The following FAM81A variants were observed in gnomAD, a reference collection of about 807,000 sequenced individuals.
The protein encoded by FAM81A is protein FAM81A.
In FAM81A, 19 loss-of-function variants were observed where a neutral mutation model predicts 46.7. That is an observed-to-expected ratio of 0.41 (90% CI 0.28 to 0.60). The LOEUF (loss-of-function observed/expected upper bound fraction) is 0.60, where lower values mean the gene tolerates loss of function less well. Ranked by LOEUF, FAM81A falls within the 20% of genes least tolerant of loss-of-function variation. FAM81A has a pLI of 0.34. For missense variants in FAM81A, 377 were observed against 453.5 expected, an observed-to-expected ratio of 0.83 and a Z score of 1.53; for synonymous variants, 183 against 152.9, an observed-to-expected ratio of 1.20 and a Z score of -1.45.
Position 59,467,594 on chromosome 15 carries a change from TA to T in FAM81A, c.294+7390del, listed in dbSNP as rs1284901688. ...ACTTTCCTGAAGTTGCTTATCAGCT[TA>T]AGAAGATTTTGGGCTGAGATGATGG... On this transcript the variant is annotated intron_variant, in intron 3 of 8. Coordinates refer to ENST00000288228, the MANE Select transcript of FAM81A (RefSeq NM_152450.3). Among the ~76,000 whole-genome samples the T allele has an allele frequency of 2.0e-5, 3 of 152,226 alleles. No homozygotes were observed. The East Asian group carries it at 5.8e-4, about 29-fold the overall frequency.
chr15:59,445,668 C>T (rs963520057), intron 1 of FAM81A: 6 of 152,098 alleles, frequency 3.9e-5, no homozygotes, highest in African/African-American at 1.4e-4. Flanking sequence ...TTTCAGCCAG[C>T]GATTTATAGA....
At chr15:59,413,431 C>T (rs1450502199) in intron 2 of FAM81A, among the ~76,000 whole-genome samples, 1 of 147,920 alleles carries the variant, frequency 6.8e-6, no homozygotes, top group Non-Finnish European at 1.5e-5. Flanking sequence ...CACACACACA[C>T]ACACACACAC....
rs1159367863 is a variant in FAM81A, at chr15:59,522,520, A to G, written c.*1142A>G. The stretch of plus-strand genomic sequence containing the variant: ...GATATTGCATTTATAGCACTGTAAG[A>G]AACTTTCATCTTGAGCAACTTTGTA... On this transcript the variant is annotated 3_prime_UTR_variant, in exon 9 of 9. Coordinates refer to ENST00000288228, the MANE Select transcript of FAM81A (RefSeq NM_152450.3). 2 of 152,288 alleles carry G rather than the reference A, an allele frequency of 1.3e-5. No homozygotes were observed. Among genetic ancestry groups the G allele is most frequent in the African/African-American group, 4.8e-5 (2 of 41,458 alleles). The allele number at this position is 152,288 out of a possible 1,614,324, so 9.4% of individuals were successfully genotyped here. A position where few individuals can be genotyped will look rare whatever the true frequency, so the allele number is the denominator to read the frequency against.
At chr15:59,491,371 A>C (rs932758669) in intron 3 of FAM81A, among the ~76,000 whole-genome samples, 3 of 152,180 alleles carry the variant, frequency 2.0e-5, no homozygotes, top group African/African-American at 7.2e-5. Flanking sequence ...AAATTAAAAC[A>C]ATTGAACTCA....
chr15:59,412,421 C>T (rs764412408), intron 2 of FAM81A, among the ~76,000 whole-genome samples: 1 of 152,060 alleles, frequency 6.6e-6, no homozygotes, highest in Non-Finnish European at 1.5e-5. Flanking sequence ...AATCAAAAGA[C>T]GGTTCCAAAG....
rs372064389 is a variant in FAM81A, at chr15:59,493,731, G to T, written c.413+1342G>T. Among the ~76,000 whole-genome samples the T allele has an allele frequency of 2.6e-5, 4 of 152,112 alleles. No homozygotes were observed. The East Asian group carries it at 5.8e-4, about 22-fold the overall frequency. Reference sequence around the variant, plus strand: ...GCCTCCCGAGTAGCTGAGACTACAGGCACTCGCCACCACGGCCAGCTAAGT... The same window carrying T: ...GCCTCCCGAGTAGCTGAGACTACAGTCACTCGCCACCACGGCCAGCTAAGT... On this transcript the variant is annotated intron_variant, in intron 4 of 8. Transcript: ENST00000288228.
intron 2 of FAM81A, among the ~76,000 whole-genome samples, chr15:59,404,524 G>A (rs1230632193): frequency 6.6e-6 from 1 of 152,078 alleles, no homozygotes; most frequent in East Asian, 1.9e-4. Flanking sequence ...GCAGTGGAGC[G>A]ACCATAGCTC....
intron 2 of FAM81A, among the ~76,000 whole-genome samples, chr15:59,404,216 A>G (rs1214877958): frequency 6.6e-6 from 1 of 151,916 alleles, no homozygotes; most frequent in Non-Finnish European, 1.5e-5. Context: ...CTACAAACAA[A>G]CCCATTGATT....
chr15:59,398,055 A>G (rs1167232648), intron 1 of FAM81A, among the ~76,000 whole-genome samples: 2 of 152,152 alleles, frequency 1.3e-5, no homozygotes, highest in Non-Finnish European at 2.9e-5. Flanking sequence ...GCACAATCCT[A>G]ACCATAGCAT....
intron 6 of FAM81A, among the ~76,000 whole-genome samples, chr15:59,513,346 G>T (rs1388924213): frequency 6.6e-6 from 1 of 152,202 alleles, no homozygotes; most frequent in East Asian, 1.9e-4. Flanking sequence ...AGAGCCTGGG[G>T]AAGAAGGGGA....
intron 3 of FAM81A, among the ~76,000 whole-genome samples, chr15:59,473,811 C>T (rs1412793961): frequency 3.3e-5 from 5 of 152,094 alleles, no homozygotes; most frequent in Admixed American, 6.6e-5. Context: ...TGGTAGCTGC[C>T]ACGTACTACT....
In FAM81A at chr15:59,445,159, T is replaced by G. The variant is rs537804980; in HGVS notation, c.-78+6877T>G. On this transcript the variant is annotated intron_variant, in intron 1 of 8. Coordinates refer to ENST00000288228, the MANE Select transcript of FAM81A (RefSeq NM_152450.3). ...TACTGGGAACTTCAGTCTTCCTCCC[T>G]GAAGGTGTCTGCGTTTGCTGACTGG... 10 of 152,354 alleles carry G rather than the reference T, an allele frequency of 6.6e-5. No homozygotes were observed. In the East Asian group the frequency reaches 1.3e-3, roughly 21 times the overall value. 9.4% of individuals were successfully genotyped at this position (152,354 alleles called of 1,614,324 possible).
intron 1 of FAM81A, among the ~76,000 whole-genome samples, chr15:59,452,099 C>T (rs2081425838): frequency 6.6e-6 from 1 of 152,212 alleles, no homozygotes; most frequent in South Asian, 2.1e-4. Context: ...TTTTGTGGAT[C>T]AGCTGTTCCC....
chr15:59,512,319 A>G lies in FAM81A; in HGVS notation c.651-1970A>G, dbSNP rs953362086. ...GAAACCCTGTCTGTACAAAAATACAAAAATTAGCTGGGCATGGTGGTGCGC... is the reference window on the plus strand; with the variant it reads ...GAAACCCTGTCTGTACAAAAATACAGAAATTAGCTGGGCATGGTGGTGCGC... On this transcript the variant is annotated intron_variant, in intron 6 of 8. Transcript: ENST00000288228. Among the ~76,000 whole-genome samples, 22 of 151,988 alleles carry G rather than the reference A, an allele frequency of 1.4e-4. No homozygotes were observed. In the South Asian group the frequency reaches 1.7e-3, roughly 12 times the overall value.
intron 3 of FAM81A, among the ~76,000 whole-genome samples, chr15:59,491,410 C>G (rs756917486): frequency 2.0e-5 from 3 of 151,202 alleles, no homozygotes; most frequent in Non-Finnish European, 4.4e-5. Context: ...TGATGGTTAC[C>G]AGAGGCTGAG....
intron 1 of FAM81A, chr15:59,401,071 A>G (rs923658694): frequency 5.7e-6 from 3 of 526,948 alleles, no homozygotes; most frequent in Non-Finnish European, 1.0e-5. Context: ...ATGATTTTGT[A>G]TTTTTTTTCC....
At chr15:59,463,209 G>A (rs1287949873) in intron 3 of FAM81A, among the ~76,000 whole-genome samples, 5 of 151,996 alleles carry the variant, frequency 3.3e-5, no homozygotes, top group Non-Finnish European at 5.9e-5. Flanking sequence ...AAGGGTCTAA[G>A]TTAATTTTTT....
At chr15:59,401,303 C>T (rs2140462122) in intron 1 of FAM81A, 3 of 851,274 alleles carry the variant, frequency 3.5e-6, no homozygotes, top group South Asian at 2.6e-5. Flanking sequence ...ATAACTGCCG[C>T]CTTGCATCAC....
At chr15:59,511,896 A>T (rs1596545146) in intron 6 of FAM81A, among the ~76,000 whole-genome samples, 1 of 152,108 alleles carries the variant, frequency 6.6e-6, no homozygotes, top group Non-Finnish European at 1.5e-5. Flanking sequence ...TGATCTGCCC[A>T]CCTCGGCCTC....
Sources: gnomAD v4.1 joint callset for allele counts (sites outside exome capture counted in the v4.1 genomes callset) on GRCh38, gnomAD v4.1.1 for gene constraint, MANE v1.5 for transcripts, NCBI Gene and HGNC (gene_info 2026-07-23, HGNC 2026-07-21) for gene names.